The following FRRS1L variants were observed in gnomAD, a reference collection of about 807,000 sequenced individuals.
The protein encoded by FRRS1L is DOMON domain-containing protein FRRS1L.
A neutral mutation model predicts 28.6 loss-of-function variants in FRRS1L; 22 were observed. The ratio of observed to expected loss-of-function variants is 0.77; its 90% confidence interval spans 0.55 to 1.10. The LOEUF is 1.10. Ranked by LOEUF, FRRS1L falls within the 50% of genes least tolerant of loss-of-function variation. The pLI, the probability that FRRS1L is intolerant of heterozygous loss-of-function variation, is 0.00. For synonymous variants in FRRS1L, 158 were observed against 151.4 expected, an observed-to-expected ratio of 1.04 and a Z score of -0.32; for missense variants, 380 against 386.9, an observed-to-expected ratio of 0.98 and a Z score of 0.15.
intron 1 of FRRS1L, among the ~76,000 whole-genome samples, chr9:109,156,658 G>C (rs1362711610): frequency 6.6e-6 from 1 of 150,670 alleles, no homozygotes; most frequent in Non-Finnish European, 1.5e-5. Context: ...CAAAGTGCTG[G>C]GATTACAGGC....
intron 1 of FRRS1L, among the ~76,000 whole-genome samples, chr9:109,153,554 T>A (rs1038413740): frequency 6.6e-6 from 1 of 152,242 alleles, no homozygotes; most frequent in Non-Finnish European, 1.5e-5. Flanking sequence ...ACTGTCATAG[T>A]AAAAATAGCA....
intron 2 of FRRS1L, 135 bp from the exon 3 acceptor site, chr9:109,147,324 A>G: frequency 1.4e-6 from 1 of 736,738 alleles, no homozygotes. Context: ...GGAATCTTAA[A>G]AACACAGTTT....
intron 1 of FRRS1L, among the ~76,000 whole-genome samples, chr9:109,162,181 T>C (rs1197490056): frequency 6.6e-6 from 1 of 152,198 alleles, no homozygotes; most frequent in Non-Finnish European, 1.5e-5. Flanking sequence ...CCAGGTGTGG[T>C]GGCTCATGCC....
chr9:109,141,316 A>G (rs1831182472), intron 4 of FRRS1L, 27 bp downstream of exon 4: 2 of 1,612,334 alleles, frequency 1.2e-6, no homozygotes, highest in African/African-American at 1.3e-5. Flanking sequence ...TCTGGCGTTT[A>G]ATCCAGATGC....
chr9:109,167,138 T>TTG lies in FRRS1L; in HGVS notation c.-1_1insCA, dbSNP rs1433098062. 1 of 1,151,664 alleles carries TTG rather than the reference T, an allele frequency of 8.7e-7. No homozygotes were observed. The highest frequency in any genetic ancestry group is 1.1e-6 in the Non-Finnish European group (1 of 940,506). The allele number at this position is 1,151,664 out of a possible 1,614,324, so 71.3% of individuals were successfully genotyped here. A position where few individuals can be genotyped will look rare whatever the true frequency, so the allele number is the denominator to read the frequency against. ...GGGTGCTGCCGGGGCGGCCGCGCCATCCGTGCGCACAGATCCCGCAGCCAG... is the reference window on the plus strand; with the variant it reads ...GGGTGCTGCCGGGGCGGCCGCGCCATTGCCGTGCGCACAGATCCCGCAGCCAG... On this transcript the variant is annotated 5_prime_UTR_variant, in exon 1 of 5. Coordinates refer to ENST00000561981, the MANE Select transcript of FRRS1L (RefSeq NM_014334.4).
At chr9:109,146,719 C>T (rs1002580881) in intron 3 of FRRS1L, among the ~76,000 whole-genome samples, 1 of 152,148 alleles carries the variant, frequency 6.6e-6, no homozygotes, top group African/African-American at 2.4e-5. Context: ...ATGAACCCCA[C>T]CTAAAATGAG....
Position 109,137,582 on chromosome 9 carries a change from C to A in FRRS1L, c.755G>T (p.Arg252Leu). The A allele has an allele frequency of 6.2e-7, 1 of 1,611,448 alleles. No individual in the cohort carries two copies. Among genetic ancestry groups the A allele is most frequent in the Non-Finnish European group, 8.5e-7 (1 of 1,178,312 alleles). The change falls in exon 5 of 5, where the codon CGT becomes CTT. Residue 252 changes from arginine (R) to leucine (L), a missense_variant. By Grantham distance (102) the Arg-to-Leu change is moderately radical (BLOSUM62 -2). Transcript: ENST00000561981. ...HDIDSPPASE[R>L]VVSIYKYEDI... ...TTCATACTTGTAAATACTGACAACA[C>A]GCTCTGAAGCCGGCGGTGAGTCTAT... is the stretch of plus-strand genomic sequence containing the variant.
chr9:109,159,992 T>C (rs1033197814), intron 1 of FRRS1L, among the ~76,000 whole-genome samples: 18 of 152,218 alleles, frequency 1.2e-4, no homozygotes, highest in Non-Finnish European at 2.2e-4. Context: ...TATACACTTA[T>C]CTGTCTTATT....
chr9:109,137,796 C>A, intron 4 of FRRS1L, 169 bp from the exon 5 acceptor site: 1 of 379,324 alleles, frequency 2.6e-6, no homozygotes, highest in Non-Finnish European at 4.7e-6. Context: ...TATCATTGTA[C>A]ATATAATAAA....
intron 1 of FRRS1L, among the ~76,000 whole-genome samples, chr9:109,154,707 C>T (rs1165419825): frequency 6.6e-6 from 1 of 152,198 alleles, no homozygotes; most frequent in Non-Finnish European, 1.5e-5. Context: ...CCACCTTAGA[C>T]ACGAGGTCCA....
At chr9:109,161,572 T>A (rs1831481269) in intron 1 of FRRS1L, among the ~76,000 whole-genome samples, 1 of 152,164 alleles carries the variant, frequency 6.6e-6, no homozygotes, top group East Asian at 1.9e-4. Context: ...ATTTTTTAGG[T>A]TCTCAATTGG....
intron 1 of FRRS1L, among the ~76,000 whole-genome samples, chr9:109,157,108 G>T (rs779420521): frequency 1.4e-4 from 22 of 152,048 alleles, no homozygotes; most frequent in Non-Finnish European, 2.6e-4. Context: ...TTTTCTTTAT[G>T]ATTTTTCTCC....
At chr9:109,160,791 C>CTT (rs750103312) in intron 1 of FRRS1L, among the ~76,000 whole-genome samples, 20,662 of 114,232 alleles carry the variant, frequency 0.18, 2,561 homozygotes, top group African/African-American at 0.29. Context: ...AGAAAGAAAT[C>CTT]TTTTTTTTTT....
chr9:109,149,643 A>T lies in FRRS1L; in HGVS notation c.316T>A (p.Cys106Ser), dbSNP rs750303839. 14 of 1,609,626 alleles carry T rather than the reference A, an allele frequency of 8.7e-6. No homozygotes were observed. The highest frequency in any genetic ancestry group is 1.2e-5 in the Non-Finnish European group (14 of 1,175,904). ...ACCTGCAGTTCCACCAACCTAAAGC[A>T]TCCCTTAGTTTTTCCACAGTCGTCC... is the stretch of plus-strand genomic sequence containing the variant. ...KVDDCGKTKG[C>S]FRYGKPGCNA... is the part of the protein sequence containing the mutation. The change falls in exon 2 of 5, where the codon TGC becomes AGC. Residue 106 changes from cysteine (C) to serine (S), a missense_variant. By Grantham distance (112) the Cys-to-Ser change is moderately radical. Coordinates refer to ENST00000561981, the MANE Select transcript of FRRS1L (RefSeq NM_014334.4).
intron 1 of FRRS1L, among the ~76,000 whole-genome samples, chr9:109,160,661 C>T (rs769912434): frequency 6.6e-6 from 1 of 152,020 alleles, no homozygotes; most frequent in African/African-American, 2.4e-5. Flanking sequence ...GCCACTGCAC[C>T]TGACCACTTC....
chr9:109,154,051 C>A (rs1831373026), intron 1 of FRRS1L, among the ~76,000 whole-genome samples: 1 of 152,144 alleles, frequency 6.6e-6, no homozygotes, highest in African/African-American at 2.4e-5. Context: ...AAGTTCTCAG[C>A]AACTCTACTT....
At position 109,133,083 on chromosome 9, in the gene FRRS1L, C is replaced by A. The variant is rs1040783704; in HGVS notation, c.*4372G>T. The A allele has an allele frequency of 1.1e-4, 17 of 152,120 alleles. No individual in the cohort carries two copies. The highest frequency in any genetic ancestry group is 3.9e-4 in the African/African-American group (16 of 41,420). 9.4% of individuals were successfully genotyped at this position (152,120 alleles called of 1,614,324 possible). On this transcript the variant is annotated 3_prime_UTR_variant, in exon 5 of 5. Transcript: ENST00000561981. Reference sequence around the variant, plus strand: ...CTGAGTTGTCCAAACTTTCTGATTTCTTTAATGACAAAAGCCAACTTAATT... The same window carrying A: ...CTGAGTTGTCCAAACTTTCTGATTTATTTAATGACAAAAGCCAACTTAATT...
At position 109,166,975 on chromosome 9, in the gene FRRS1L, G is replaced by T. The variant is rs746670149; in HGVS notation, c.164C>A (p.Ala55Glu). Residue 55 changes from alanine (A) to glutamate (E), a missense_variant, in exon 1 of 5, where the codon GCG becomes GAG. By Grantham distance (107) the Ala-to-Glu change is moderately radical. Coordinates refer to ENST00000561981, the MANE Select transcript of FRRS1L (RefSeq NM_014334.4). ...RARGDTGADEAVPRHDSSYGT... is the reference protein window; with the variant it reads ...RARGDTGADEEVPRHDSSYGT... ...GTAGGAGGAGTCGTGGCGCGGCACC[G>T]CCTCGTCGGCGCCCGTGTCCCCCCG... 1.5e-5 allele frequency: 20 copies of T among 1,306,570 alleles called. No homozygotes were observed. The African/African-American group carries it at 3.0e-4, about 20-fold the overall frequency. The allele number at this position is 1,306,570 out of a possible 1,614,324, so 80.9% of individuals were successfully genotyped here.
At chr9:109,161,545 G>A (rs929413007) in intron 1 of FRRS1L, among the ~76,000 whole-genome samples, 7 of 151,982 alleles carry the variant, frequency 4.6e-5, no homozygotes, top group Admixed American at 4.6e-4. Context: ...CATGAAAGGT[G>A]CTTATTTTCT....
Sources: allele counts gnomAD v4.1 joint callset (sites outside exome capture counted in the v4.1 genomes callset), GRCh38; gene constraint gnomAD v4.1.1; transcripts MANE v1.5; gene names NCBI Gene and HGNC (gene_info 2026-07-23, HGNC 2026-07-21).